The following PLXNA4 variants were observed in gnomAD, a reference collection of about 807,000 sequenced individuals.
The protein encoded by PLXNA4 is plexin-A4.
A neutral mutation model predicts 191.8 loss-of-function variants in PLXNA4; 44 were observed. The ratio of observed to expected loss-of-function variants is 0.23; its 90% CI spans 0.18 to 0.29. The LOEUF (loss-of-function observed/expected upper bound fraction) is 0.29. PLXNA4 is among the 10% of genes least tolerant of loss of function. The pLI is 1.00. For missense variants in PLXNA4, 1,800 were observed against 2,488.8 expected, an observed-to-expected ratio of 0.72 and a Z score of 5.89; for synonymous variants, 1,082 against 1,009.5, an observed-to-expected ratio of 1.07 and a Z score of -1.36.
At chr7:132,547,070 C>G (rs548531687) in intron 1 of PLXNA4, among the ~76,000 whole-genome samples, 2 of 152,292 alleles carry the variant, frequency 1.3e-5, no homozygotes, top group East Asian at 3.9e-4. Context: ...TTACAGCAAG[C>G]TAGCTCCATG....
intron 2 of PLXNA4, among the ~76,000 whole-genome samples, chr7:132,621,226 T>C (rs1803254242): frequency 6.6e-6 from 1 of 151,516 alleles, no homozygotes; most frequent in South Asian, 2.1e-4. Context: ...AGGTGATTTT[T>C]AATCTCTTGG....
intron 3 of PLXNA4, among the ~76,000 whole-genome samples, chr7:132,386,294 A>G (rs1428913800): frequency 1.3e-5 from 2 of 152,190 alleles, no homozygotes; most frequent in African/African-American, 4.8e-5. Context: ...TGCAGGGAGA[A>G]CACCGGGCTG....
At chr7:132,574,952 G>A (rs867222814) in intron 1 of PLXNA4, among the ~76,000 whole-genome samples, 61 of 152,164 alleles carry the variant, frequency 4.0e-4, no homozygotes, top group African/African-American at 1.4e-3. Flanking sequence ...TTTTTCCACT[G>A]GTGGGTCTGT....
At chr7:132,269,090 G>T (rs1399100836) in intron 4 of PLXNA4, among the ~76,000 whole-genome samples, 1 of 152,066 alleles carries the variant, frequency 6.6e-6, no homozygotes. Flanking sequence ...CCCACCTCTG[G>T]CTCTCCACAT....
At chr7:132,424,499 C>G (rs1207501828) in intron 3 of PLXNA4, among the ~76,000 whole-genome samples, 1 of 152,168 alleles carries the variant, frequency 6.6e-6, no homozygotes, top group Admixed American at 6.5e-5. Context: ...GGAACCCCCA[C>G]CCTTCCTGGC....
At chr7:132,459,521 C>T (rs191587960) in intron 3 of PLXNA4, among the ~76,000 whole-genome samples, 103 of 152,236 alleles carry the variant, frequency 6.8e-4, no homozygotes, top group African/African-American at 2.3e-3. Context: ...CCAGCACTTG[C>T]GGAGGTTAGA....
intron 3 of PLXNA4, among the ~76,000 whole-genome samples, chr7:132,332,416 T>C (rs930104665): frequency 3.3e-5 from 5 of 152,180 alleles, no homozygotes; most frequent in African/African-American, 1.2e-4. Flanking sequence ...TTGTTTAACT[T>C]GAGCCTTGTC....
intron 3 of PLXNA4, among the ~76,000 whole-genome samples, chr7:132,412,615 G>C (rs1299706433): frequency 6.6e-6 from 1 of 152,176 alleles, no homozygotes; most frequent in African/African-American, 2.4e-5. Flanking sequence ...GCGATTATGA[G>C]GCAGTGATAA....
chr7:132,425,092 C>T lies in PLXNA4; in HGVS notation c.1371+64200G>A, dbSNP rs186101017. On this transcript the variant is annotated intron_variant, in intron 3 of 31. Transcript: ENST00000321063. ...CACAGAAAACCATTCCTGGACCCTCCGCACTGCCAAGTCTGTAAAAGAGCA... is the reference window on the plus strand; with the variant it reads ...CACAGAAAACCATTCCTGGACCCTCTGCACTGCCAAGTCTGTAAAAGAGCA... Among the ~76,000 whole-genome samples the T allele has an allele frequency of 7.2e-5, 11 of 152,324 alleles. No individual in the cohort carries two copies. In the East Asian group the frequency reaches 1.2e-3, roughly 16 times the overall value.
At chr7:132,216,053 A>C (rs1445568701) in intron 9 of PLXNA4, among the ~76,000 whole-genome samples, 2 of 152,194 alleles carry the variant, frequency 1.3e-5, no homozygotes, top group Non-Finnish European at 2.9e-5. Flanking sequence ...TTGGCATCTG[A>C]AGTGGAGACA....
chr7:132,502,314 C>T (rs751389350), intron 2 of PLXNA4, among the ~76,000 whole-genome samples: 4 of 152,142 alleles, frequency 2.6e-5, no homozygotes, highest in Admixed American at 1.3e-4. Flanking sequence ...GGACCTCCAT[C>T]GCCACCCAGT....
chr7:132,619,115 A>C lies in PLXNA4; in HGVS notation c.-87+26813T>G, dbSNP rs192972915. Among the ~76,000 whole-genome samples, 126 of 152,330 alleles carry C rather than the reference A, an allele frequency of 8.3e-4. 1 individual carries two copies. The Middle Eastern group carries it at 0.01, about 12-fold the overall frequency. ...AAAATGTCAGCGAAGTGTAAATCCC[A>C]AAAAACCTTCTTAACCAAGATTTCC... On this transcript the variant is annotated intron_variant, in intron 2 of 4. Transcript: ENST00000378539.
At chr7:132,179,528 C>T (rs908959107) in intron 20 of PLXNA4, among the ~76,000 whole-genome samples, 159 bp downstream of exon 20, 4 of 150,076 alleles carry the variant, frequency 2.7e-5, no homozygotes, top group Admixed American at 6.6e-5. Context: ...CACACACATT[C>T]GCACAGACAC....
chr7:132,570,390 C>T (rs944430537), intron 1 of PLXNA4, among the ~76,000 whole-genome samples: 5 of 152,172 alleles, frequency 3.3e-5, no homozygotes, highest in Non-Finnish European at 7.4e-5. Context: ...GCCACAAGAA[C>T]GGAAGCAATC....
At position 132,326,453 on chromosome 7, in the gene PLXNA4, G is replaced by A. The variant is rs1203750928; in HGVS notation, c.1372-28231C>T. ...CTGATGCCCTCGAATGGTGGCCCTT[G>A]GTGCTCCCGTGGCCTGCATGGTCTG... On this transcript the variant is annotated intron_variant, in intron 3 of 31. Coordinates refer to ENST00000321063, the MANE Select transcript of PLXNA4 (RefSeq NM_020911.2). Among the ~76,000 whole-genome samples, 3 of 152,130 alleles carry A rather than the reference G, an allele frequency of 2.0e-5. No individual in the cohort carries two copies. In the East Asian group the frequency reaches 5.8e-4, roughly 29 times the overall value.
intron 2 of PLXNA4, among the ~76,000 whole-genome samples, chr7:132,629,386 C>G (rs968593473): frequency 1.3e-5 from 2 of 152,180 alleles, no homozygotes; most frequent in Admixed American, 6.5e-5. Flanking sequence ...TTGTAAAGGG[C>G]ATCTGGTAGG....
chr7:132,618,950 C>G (rs1291556754), intron 2 of PLXNA4, among the ~76,000 whole-genome samples: 2 of 152,028 alleles, frequency 1.3e-5, no homozygotes, highest in Non-Finnish European at 2.9e-5. Context: ...CTATGGACAT[C>G]ATGAAATTAA....
intron 4 of PLXNA4, among the ~76,000 whole-genome samples, chr7:132,264,498 C>CAG (rs2116275415): frequency 6.6e-6 from 1 of 152,138 alleles, no homozygotes; most frequent in East Asian, 1.9e-4. Context: ...CCCTGGTTTG[C>CAG]AGAGACACTT....
chr7:132,165,965 A>G (rs1218062162), intron 22 of PLXNA4, among the ~76,000 whole-genome samples: 1 of 152,166 alleles, frequency 6.6e-6, no homozygotes, highest in Non-Finnish European at 1.5e-5. Flanking sequence ...TTAGGAGGCC[A>G]AGGCAGGCAG....
Sources: allele counts gnomAD v4.1 joint callset (sites outside exome capture counted in the v4.1 genomes callset), GRCh38; gene constraint gnomAD v4.1.1; transcripts MANE v1.5; gene names NCBI Gene and HGNC (gene_info 2026-07-23, HGNC 2026-07-21).